Variants in EPHB1 observed in about 807,000 individuals in gnomAD.
EPHB1 encodes the protein EPH receptor B1.
Under a neutral mutation model 94.4 loss-of-function variants are expected in EPHB1, and 30 were observed. That is an observed-to-expected ratio of 0.32 (90% CI 0.24 to 0.43). The LOEUF (loss-of-function observed/expected upper bound fraction) is 0.43, where lower values mean the gene tolerates loss of function less well. Ranked by LOEUF, EPHB1 falls within the 20% of genes least tolerant of loss-of-function variation. EPHB1 has a pLI of 1.00. For missense variants in EPHB1, 1,055 were observed against 1,308.3 expected, an observed-to-expected ratio of 0.81 and a Z score of 2.99; for synonymous variants, 522 against 489.1, an observed-to-expected ratio of 1.07 and a Z score of -0.89.
intron 1 of EPHB1, among the ~76,000 whole-genome samples, chr3:134,867,910 G>C (rs1351674817): frequency 6.6e-6 from 1 of 152,156 alleles, no homozygotes; most frequent in African/African-American, 2.4e-5. Flanking sequence ...TAATGGAAAA[G>C]GAACTGGGAG....
chr3:135,116,208 T>C (rs1939700847), intron 4 of EPHB1, among the ~76,000 whole-genome samples: 1 of 152,188 alleles, frequency 6.6e-6, no homozygotes, highest in Admixed American at 6.5e-5. Flanking sequence ...AGCGAGACTC[T>C]GTCTCAAAAC....
chr3:135,138,092 T>C (rs1940686087), intron 5 of EPHB1, among the ~76,000 whole-genome samples: 1 of 152,234 alleles, frequency 6.6e-6, no homozygotes, highest in Admixed American at 6.5e-5. Flanking sequence ...TTCCCCTCAC[T>C]TGCATGATCT....
Position 135,213,600 on chromosome 3 carries a change from G to A in EPHB1, c.2346+11911G>A, listed in dbSNP as rs146517797. 3.3e-3 allele frequency among the ~76,000 whole-genome samples: 509 copies of A among 152,234 alleles called. 2 individuals are homozygous for A. The highest frequency in any genetic ancestry group is 0.01 in the African/African-American group (429 of 41,532). The stretch of plus-strand genomic sequence containing the variant: ...TTAACTTATTGCATTTGGAGCTCAC[G>A]TACACACTCACAAACTTGATCTTTA... On this transcript the variant is annotated intron_variant, in intron 12 of 15. Coordinates refer to ENST00000398015, the MANE Select transcript of EPHB1 (RefSeq NM_004441.5).
chr3:134,919,750 A>T (rs1021098468), intron 1 of EPHB1, among the ~76,000 whole-genome samples: 4 of 152,022 alleles, frequency 2.6e-5, no homozygotes, highest in Non-Finnish European at 5.9e-5. Flanking sequence ...AGCCACGCAC[A>T]CCCTTGGCAC....
chr3:134,940,236 A>G (rs1005860317), intron 2 of EPHB1, among the ~76,000 whole-genome samples: 6 of 152,222 alleles, frequency 3.9e-5, no homozygotes, highest in African/African-American at 1.4e-4. Context: ...TGAGGTTAAC[A>G]TAATCACGAT....
At chr3:135,213,542 A>G (rs1243858165) in intron 12 of EPHB1, among the ~76,000 whole-genome samples, 2 of 152,214 alleles carry the variant, frequency 1.3e-5, no homozygotes, top group Admixed American at 6.5e-5. Context: ...AAAAGAGGGC[A>G]TGCACATACC....
In EPHB1 at chr3:135,260,226, A is replaced by G. The variant is rs892420295; in HGVS notation, c.*1106A>G. Reference sequence around the variant, plus strand: ...ACATCACTGGAATCTGCAATTCAAGAAGTGACAAGGGAGAATTCTTGCTTT... The same window carrying G: ...ACATCACTGGAATCTGCAATTCAAGGAGTGACAAGGGAGAATTCTTGCTTT... On this transcript the variant is annotated 3_prime_UTR_variant, in exon 16 of 16. Coordinates refer to ENST00000398015, the MANE Select transcript of EPHB1 (RefSeq NM_004441.5). 1 of 232,852 alleles carries G rather than the reference A, an allele frequency of 4.3e-6. No homozygotes were observed. The highest frequency in any genetic ancestry group is 2.2e-5 in the African/African-American group (1 of 45,302). 14.4% of individuals were successfully genotyped at this position (232,852 alleles called of 1,614,324 possible).
chr3:134,926,151 G>A (rs188852134), intron 2 of EPHB1, among the ~76,000 whole-genome samples: 1 of 152,192 alleles, frequency 6.6e-6, no homozygotes, highest in Non-Finnish European at 1.5e-5. Context: ...GGGGATGGGG[G>A]CACGCAGGCT....
chr3:135,154,480 G>GGC, intron 6 of EPHB1: 1 of 588,962 alleles, frequency 1.7e-6, no homozygotes. Context: ...TGCCAACTAA[G>GGC]GAGAGAAACT....
intron 1 of EPHB1, among the ~76,000 whole-genome samples, chr3:134,904,670 AGT>A (rs2038280748): frequency 6.9e-6 from 1 of 144,988 alleles, no homozygotes; most frequent in Non-Finnish European, 1.5e-5. Context: ...ACACACACTG[AGT>A]AGCTAGTCTC....
intron 1 of EPHB1, among the ~76,000 whole-genome samples, chr3:134,913,801 G>A (rs1006473835): frequency 1.3e-5 from 2 of 152,234 alleles, no homozygotes; most frequent in African/African-American, 4.8e-5. Context: ...ATGTGTGCCA[G>A]GCATGGAGAG....
chr3:134,912,749 C>T (rs576124138), intron 1 of EPHB1, among the ~76,000 whole-genome samples: 1 of 152,354 alleles, frequency 6.6e-6, no homozygotes, highest in South Asian at 2.1e-4. Context: ...TGCCCACTGA[C>T]ATGGTCTGGC....
At chr3:135,072,299 G>T (rs957364736) in intron 3 of EPHB1, among the ~76,000 whole-genome samples, 1 of 152,104 alleles carries the variant, frequency 6.6e-6, no homozygotes, top group Non-Finnish European at 1.5e-5. Context: ...CAGGAGAAAC[G>T]CTTGAACCTA....
chr3:134,921,044 TG>T (rs1447324854), intron 1 of EPHB1, among the ~76,000 whole-genome samples: 1 of 152,202 alleles, frequency 6.6e-6, no homozygotes, highest in East Asian at 1.9e-4. Flanking sequence ...CCACAGTACC[TG>T]GCTCTATGCT....
chr3:135,091,339 C>A (rs1275141707), intron 3 of EPHB1, among the ~76,000 whole-genome samples: 4 of 152,198 alleles, frequency 2.6e-5, no homozygotes, highest in Admixed American at 6.5e-5. Flanking sequence ...GCACCTCTGG[C>A]CAAGTCATTG....
intron 1 of EPHB1, among the ~76,000 whole-genome samples, chr3:134,797,665 G>T (rs192203399): frequency 6.6e-6 from 1 of 152,334 alleles, no homozygotes; most frequent in East Asian, 1.9e-4. Flanking sequence ...AGAGGTCCCT[G>T]TCTGCTTGCC....
At chr3:135,166,757 G>A (rs1941662985) in intron 8 of EPHB1, among the ~76,000 whole-genome samples, 185 bp from the exon 9 acceptor site, 1 of 152,220 alleles carries the variant, frequency 6.6e-6, no homozygotes, top group South Asian at 2.1e-4. Flanking sequence ...TCTGCCCACA[G>A]GAGTGAGTGG....
At chr3:135,224,041 C>T (rs892285919) in intron 12 of EPHB1, among the ~76,000 whole-genome samples, 14 of 152,182 alleles carry the variant, frequency 9.2e-5, no homozygotes, top group African/African-American at 3.4e-4. Context: ...TATACCTTTT[C>T]TGTGTTTAGA....
At chr3:135,053,542 G>A (rs1420721403) in intron 3 of EPHB1, among the ~76,000 whole-genome samples, 1 of 152,124 alleles carries the variant, frequency 6.6e-6, no homozygotes, top group Admixed American at 6.5e-5. Context: ...TTTGAGATGA[G>A]GTCTTTGAGG....
Sources: allele counts gnomAD v4.1 joint callset (sites outside exome capture counted in the v4.1 genomes callset), GRCh38; gene constraint gnomAD v4.1.1; transcripts MANE v1.5; gene names NCBI Gene and HGNC (gene_info 2026-07-23, HGNC 2026-07-21).